KANK1: variants seen among roughly 807,000 people sequenced by gnomAD.
KANK1 encodes KN motif and ankyrin repeat domain-containing protein 1.
A neutral mutation model predicts 106.2 loss-of-function variants in KANK1; 109 were observed. That is an observed-to-expected ratio of 1.03 (90% confidence interval 0.88 to 1.20). The LOEUF (loss-of-function observed/expected upper bound fraction) is 1.20. KANK1 is among the 50% of genes most tolerant of loss of function. The pLI is 0.00. For missense variants in KANK1, 2,399 were observed against 1,710.7 expected (o/e 1.40, Z -7.10); for synonymous variants, 873 against 652.2 (o/e 1.34, Z -5.16).
chr9:541,925 T>TA (rs1160752506), intron 1 of KANK1, among the ~76,000 whole-genome samples: 1 of 150,898 alleles, frequency 6.6e-6, no homozygotes, highest in Non-Finnish European at 1.5e-5. Flanking sequence ...CCGTCTCTAC[T>TA]AAAAATACAA....
intron 1 of KANK1, among the ~76,000 whole-genome samples, chr9:675,418 G>T (rs941691091): frequency 6.6e-6 from 1 of 152,118 alleles, no homozygotes; most frequent in Non-Finnish European, 1.5e-5. Context: ...AATGGAAATG[G>T]GATTTCTATA....
At chr9:621,161 T>A (rs775471418) in intron 1 of KANK1, among the ~76,000 whole-genome samples, 9 of 152,142 alleles carry the variant, frequency 5.9e-5, no homozygotes, top group Non-Finnish European at 1.2e-4. Context: ...AGCTAAAAAT[T>A]TTTCTTTGGG....
intron 5 of KANK1, 129 bp downstream of exon 5, chr9:731,395 AG>A (rs1832220331): frequency 7.2e-6 from 4 of 559,276 alleles, no homozygotes; most frequent in Non-Finnish European, 6.5e-6. Context: ...CTCCTCAGAA[AG>A]GCAGAAAGGT....
At chr9:590,737 A>G (rs117908408) in intron 1 of KANK1, among the ~76,000 whole-genome samples, 3,159 of 151,776 alleles carry the variant, frequency 0.021, 81 homozygotes, top group Admixed American at 0.057. Flanking sequence ...TCTGCTTATC[A>G]GTAGTCACTG....
chr9:653,024 G>C (rs1174215216), intron 1 of KANK1, among the ~76,000 whole-genome samples: 2 of 152,164 alleles, frequency 1.3e-5, no homozygotes, highest in African/African-American at 4.8e-5. Context: ...CGCACAGCTG[G>C]GTCCTGTGAG....
chr9:735,726 G>T, intron 7 of KANK1: 1 of 442,444 alleles, frequency 2.3e-6, no homozygotes. Context: ...AGGTGCAGTG[G>T]CTGACACCTA....
chr9:694,659 C>G (rs941329388), intron 2 of KANK1, among the ~76,000 whole-genome samples: 1 of 152,126 alleles, frequency 6.6e-6, no homozygotes, highest in African/African-American at 2.4e-5. Flanking sequence ...ACAATGTGCC[C>G]TTTATTAAGA....
At chr9:714,042 C>T (rs1231651762) in intron 3 of KANK1, among the ~76,000 whole-genome samples, 1 of 151,982 alleles carries the variant, frequency 6.6e-6, no homozygotes, top group Non-Finnish European at 1.5e-5. Flanking sequence ...AATTTGAGAC[C>T]AGCCTGGGCA....
At chr9:550,678 G>A (rs573414754) in intron 1 of KANK1, among the ~76,000 whole-genome samples, 4 of 152,296 alleles carry the variant, frequency 2.6e-5, no homozygotes, top group Non-Finnish European at 5.9e-5. Flanking sequence ...ATTCTCTCAC[G>A]TGCAAGGTAG....
At chr9:505,275 C>T (rs954259990) in intron 1 of KANK1, among the ~76,000 whole-genome samples, 3 of 152,146 alleles carry the variant, frequency 2.0e-5, no homozygotes, top group Admixed American at 2.0e-4. Flanking sequence ...TATCCTCGGC[C>T]CCAGAGGGGC....
intron 1 of KANK1, chr9:549,094 A>G (rs553975006): frequency 3.4e-5 from 5 of 145,104 alleles, no homozygotes; most frequent in Non-Finnish European, 6.0e-5. Flanking sequence ...TTTTTTTTCT[A>G]CTTCTTCCAC....
intron 2 of KANK1, chr9:693,791 G>A: frequency 1.0e-6 from 1 of 985,376 alleles, no homozygotes; most frequent in South Asian, 4.7e-5. Context: ...GGGTGGGTAA[G>A]TAAGAATGCC....
chr9:666,041 C>T (rs1351168389), intron 1 of KANK1, among the ~76,000 whole-genome samples: 2 of 151,990 alleles, frequency 1.3e-5, no homozygotes, highest in African/African-American at 2.4e-5. Flanking sequence ...ATTAGCCAGA[C>T]GTGGTGGCAT....
intron 1 of KANK1, among the ~76,000 whole-genome samples, chr9:569,423 C>T (rs765606792): frequency 6.6e-6 from 1 of 151,834 alleles, no homozygotes; most frequent in African/African-American, 2.4e-5. Flanking sequence ...GGGAGTAGGG[C>T]TGGTGGCTTT....
chr9:651,859 A>T (rs949802390), intron 1 of KANK1, among the ~76,000 whole-genome samples: 1 of 152,242 alleles, frequency 6.6e-6, no homozygotes, highest in African/African-American at 2.4e-5. Context: ...AATTGCTCTG[A>T]GCCAGAAATG....
intron 1 of KANK1, among the ~76,000 whole-genome samples, chr9:529,547 G>A (rs1270768913): frequency 1.3e-5 from 2 of 152,006 alleles, no homozygotes; most frequent in South Asian, 4.1e-4. Flanking sequence ...CTCTCTCCCT[G>A]TGAAATCACA....
chr9:567,366 G>A (rs762949921), intron 1 of KANK1, among the ~76,000 whole-genome samples: 4 of 152,158 alleles, frequency 2.6e-5, no homozygotes, highest in Non-Finnish European at 5.9e-5. Context: ...CCCTAACCTT[G>A]TGGTGTTTCA....
intron 1 of KANK1, among the ~76,000 whole-genome samples, chr9:635,266 A>G (rs1243258286): frequency 6.6e-6 from 1 of 152,060 alleles, no homozygotes; most frequent in East Asian, 1.9e-4. Context: ...TTAGGTACCC[A>G]GCCCCCCAGG....
At chr9:495,387 T>TA (rs1287203910) in intron 3 of KANK1, 2 of 152,206 alleles carry the variant, frequency 1.3e-5, no homozygotes, top group East Asian at 3.9e-4. Context: ...AAAAGACTCT[T>TA]ACGTAACCAG....
Sources: gnomAD v4.1 joint callset for allele counts (sites outside exome capture counted in the v4.1 genomes callset) on GRCh38, gnomAD v4.1.1 for gene constraint, MANE v1.5 for transcripts, NCBI Gene and HGNC (gene_info 2026-07-23, HGNC 2026-07-21) for gene names.